NACC2: variants seen among roughly 807,000 people sequenced by gnomAD.
NACC2 encodes NACC family member 2.
Under a neutral mutation model 25.1 loss-of-function variants are expected in NACC2, and 8 were observed. That is an observed-to-expected ratio of 0.32 (90% CI 0.19 to 0.57). NACC2 has a LOEUF of 0.57. Ranked by LOEUF, NACC2 falls within the 20% of genes least tolerant of loss-of-function variation. The pLI, the probability that NACC2 is intolerant of heterozygous loss-of-function variation, is 0.89. For synonymous variants in NACC2, 435 were observed against 294.7 expected, an observed-to-expected ratio of 1.48 and a Z score of -4.88; for missense variants, 644 against 650.2, an observed-to-expected ratio of 0.99 and a Z score of 0.10.
chr9:136,081,840 C>T (rs1022640479), intron 1 of NACC2, among the ~76,000 whole-genome samples: 3 of 152,166 alleles, frequency 2.0e-5, no homozygotes, highest in Non-Finnish European at 4.4e-5. Flanking sequence ...GAGGGCAAGG[C>T]GGGGAGGGCA....
intron 1 of NACC2, among the ~76,000 whole-genome samples, chr9:136,079,797 G>A (rs889119326): frequency 6.6e-6 from 1 of 152,206 alleles, no homozygotes; most frequent in African/African-American, 2.4e-5. Context: ...AAGCCTGTAA[G>A]ATTTCAGGCC....
At chr9:136,050,860 T>G (rs1840820782) in intron 1 of NACC2, among the ~76,000 whole-genome samples, 1 of 151,998 alleles carries the variant, frequency 6.6e-6, no homozygotes, top group Non-Finnish European at 1.5e-5. Flanking sequence ...GGGCTGCTCT[T>G]AGCGACTCGG....
At chr9:136,036,275 A>C (rs1242603769) in intron 2 of NACC2, among the ~76,000 whole-genome samples, 1 of 152,348 alleles carries the variant, frequency 6.6e-6, no homozygotes, top group East Asian at 1.9e-4. Context: ...AATTCTACCT[A>C]ATACCACTGT....
At chr9:136,053,721 C>T (rs915454625) in intron 1 of NACC2, among the ~76,000 whole-genome samples, 75 of 152,340 alleles carry the variant, frequency 4.9e-4, no homozygotes, top group Non-Finnish European at 8.2e-4. Context: ...CCAGAGAGCC[C>T]GTGGCTTCTG....
intron 1 of NACC2, among the ~76,000 whole-genome samples, chr9:136,081,985 G>C (rs560169081): frequency 2.0e-5 from 3 of 152,178 alleles, no homozygotes; most frequent in African/African-American, 4.8e-5. Context: ...TGACGCGAGA[G>C]CCAGGCTGCA....
chr9:136,071,177 G>C (rs1241783209), intron 1 of NACC2, among the ~76,000 whole-genome samples: 1 of 151,642 alleles, frequency 6.6e-6, no homozygotes, highest in Non-Finnish European at 1.5e-5. Context: ...ACGTTGCGGT[G>C]AGCCAAGATC....
At chr9:136,047,400 C>T (rs1259196806) in intron 2 of NACC2, among the ~76,000 whole-genome samples, 1 of 152,258 alleles carries the variant, frequency 6.6e-6, no homozygotes, top group Non-Finnish European at 1.5e-5. Context: ...CACTTATGGG[C>T]TTGCCGAACA....
intron 2 of NACC2, among the ~76,000 whole-genome samples, chr9:136,036,206 G>A (rs972710763): frequency 6.6e-6 from 1 of 152,190 alleles, no homozygotes; most frequent in Non-Finnish European, 1.5e-5. Context: ...CACAAAGGAG[G>A]ATGTCCAAGT....
chr9:136,043,079 C>T (rs1008778889), intron 2 of NACC2, among the ~76,000 whole-genome samples: 1 of 152,152 alleles, frequency 6.6e-6, no homozygotes, highest in African/African-American at 2.4e-5. Flanking sequence ...ACAAGGATTT[C>T]TCGAACAGGC....
chr9:136,045,220 G>A (rs1472213448), intron 2 of NACC2, among the ~76,000 whole-genome samples: 8 of 152,088 alleles, frequency 5.3e-5, no homozygotes, highest in African/African-American at 1.9e-4. Flanking sequence ...GCACACAGGG[G>A]ACACCGGGTG....
At chr9:136,044,957 A>T (rs1354044354) in intron 2 of NACC2, among the ~76,000 whole-genome samples, 1 of 152,150 alleles carries the variant, frequency 6.6e-6, no homozygotes, top group African/African-American at 2.4e-5. Flanking sequence ...GTCACCCTGA[A>T]AAGGGTGGGG....
intron 1 of NACC2, among the ~76,000 whole-genome samples, chr9:136,065,001 A>G (rs528039997): frequency 2.1e-4 from 32 of 152,260 alleles, no homozygotes; most frequent in Non-Finnish European, 4.3e-4. Context: ...CTGGATAGCC[A>G]CATGCAAAAG....
intron 2 of NACC2, among the ~76,000 whole-genome samples, chr9:136,030,478 C>T (rs1229562330): frequency 2.0e-5 from 3 of 151,808 alleles, no homozygotes; most frequent in East Asian, 2.0e-4. Flanking sequence ...GGCATGGTGG[C>T]AGGCGCCTGT....
In NACC2 at chr9:136,016,429, A is replaced by T; in HGVS notation, c.887T>A (p.Val296Glu). Residue 296 changes from valine (V) to glutamate (E), a missense_variant and splice_region_variant, in exon 3 of 6, where the codon GTG (valine) becomes GAG (glutamate). By Grantham distance (121) the Val-to-Glu change is moderately radical. Transcript: ENST00000277554. ...MYIKASGSYA[V>E]QEKPEPVPLE... is the part of the protein sequence containing the mutation. ...CGGCACTGGCTCAGGCTTCTCTTGCACTGTGGGCCCAGAACCAACCTGGTC... is the reference window on the plus strand; with the variant it reads ...CGGCACTGGCTCAGGCTTCTCTTGCTCTGTGGGCCCAGAACCAACCTGGTC... The T allele has an allele frequency of 6.2e-7, 1 of 1,610,848 alleles. No homozygotes were observed. The highest frequency in any genetic ancestry group is 8.5e-7 in the Non-Finnish European group (1 of 1,179,686).
At chr9:136,012,401 A>G (rs1564215791) in intron 5 of NACC2, among the ~76,000 whole-genome samples, 2 of 152,250 alleles carry the variant, frequency 1.3e-5, no homozygotes, top group Non-Finnish European at 1.5e-5. Flanking sequence ...TCCCAGTCCC[A>G]GCCTGGAGGA....
intron 1 of NACC2, among the ~76,000 whole-genome samples, chr9:136,069,009 C>T (rs1841120276): frequency 6.6e-6 from 1 of 150,784 alleles, no homozygotes; most frequent in East Asian, 2.0e-4. Context: ...CAGGTTCAAG[C>T]AATTCTCCTG....
chr9:136,031,952 T>C (rs903262485), intron 2 of NACC2, among the ~76,000 whole-genome samples: 1 of 142,628 alleles, frequency 7.0e-6, no homozygotes, highest in East Asian at 1.9e-4. Flanking sequence ...TGTTAACAGC[T>C]TTCCCGATGC....
At chr9:136,089,393 GC>G (rs1398314561) in intron 1 of NACC2, among the ~76,000 whole-genome samples, 1 of 152,040 alleles carries the variant, frequency 6.6e-6, no homozygotes, top group Non-Finnish European at 1.5e-5. Context: ...ACCCGCGAAG[GC>G]CTGACTTCCA....
At chr9:136,029,727 C>A (rs1377904606) in intron 2 of NACC2, among the ~76,000 whole-genome samples, 2 of 152,186 alleles carry the variant, frequency 1.3e-5, no homozygotes, top group Non-Finnish European at 2.9e-5. Flanking sequence ...CAGCTGCAGC[C>A]CTGCAGGGAG....
Sources: gnomAD v4.1 joint callset for allele counts (sites outside exome capture counted in the v4.1 genomes callset) on GRCh38, gnomAD v4.1.1 for gene constraint, MANE v1.5 for transcripts, NCBI Gene and HGNC (gene_info 2026-07-23, HGNC 2026-07-21) for gene names.